The following BYSL variants were observed in gnomAD, a reference collection of about 807,000 sequenced individuals.
BYSL encodes the protein bystin.
BYSL carries 21 observed loss-of-function variants against 45.4 expected under a neutral mutation model. That is an observed-to-expected ratio of 0.46 (90% CI 0.33 to 0.67). The LOEUF (loss-of-function observed/expected upper bound fraction) is 0.67. Ranked by LOEUF, BYSL falls within the 30% of genes least tolerant of loss-of-function variation. The pLI, the probability that BYSL is intolerant of heterozygous loss-of-function variation, is 0.02. For missense variants in BYSL, 522 were observed against 578.5 expected (o/e 0.90, Z 1.00); for synonymous variants, 215 against 231.3 (o/e 0.93, Z 0.64).
chr6:41,909,764 C>T, the BYSL span, among the ~76,000 whole-genome samples: 4 of 152,202 alleles, frequency 2.6e-5, no homozygotes, highest in African/African-American at 9.6e-5. Context: ...GAGGGGCACA[C>T]AGGGAACTTT....
At chr6:41,925,991 T>C (rs571142680) in intron 1 of BYSL, among the ~76,000 whole-genome samples, 1 of 152,266 alleles carries the variant, frequency 6.6e-6, no homozygotes, top group East Asian at 1.9e-4. Context: ...GCCAACTTCA[T>C]GTATTTAAAT....
the BYSL span, among the ~76,000 whole-genome samples, chr6:41,913,699 A>C: frequency 6.6e-6 from 1 of 152,164 alleles, no homozygotes; most frequent in Non-Finnish European, 1.5e-5. Context: ...GGAGTTCAAG[A>C]CCAGCCTGGC....
Position 41,927,442 on chromosome 6 carries a change from A to G in BYSL, c.337A>G (p.Thr113Ala), listed in dbSNP as rs1307784344. ...EEWPTLEKAATMTAAGHHAEV... is the reference protein window; with the variant it reads ...EEWPTLEKAAAMTAAGHHAEV... ...GTGGCCCACCCTGGAGAAGGCTGCC[A>G]CAATGACAGCAGCGGGCCATCATGC... Residue 113 changes from threonine (T) to alanine (A), a missense_variant, in exon 2 of 7, where the codon ACA (threonine) becomes GCA (alanine). Thr to Ala is a moderately conservative substitution (Grantham distance 58). Transcript: ENST00000230340. The G allele has an allele frequency of 6.2e-7, 1 of 1,614,240 alleles. No homozygotes were observed. The highest frequency in any genetic ancestry group is 1.7e-5 in the Admixed American group (1 of 60,032).
chr6:41,909,568 A>T, the BYSL span: 5 of 1,601,178 alleles, frequency 3.1e-6, no homozygotes, highest in Non-Finnish European at 4.3e-6. Context: ...TTTCACTGGC[A>T]AACCCCAGAG....
chr6:41,929,470 C>G (rs1353235532), intron 2 of BYSL, among the ~76,000 whole-genome samples: 3 of 152,118 alleles, frequency 2.0e-5, no homozygotes, highest in Non-Finnish European at 4.4e-5. Context: ...TGCATGCCAA[C>G]CTGGGCAACA....
At chr6:41,928,222 G>C (rs879197543) in intron 2 of BYSL, among the ~76,000 whole-genome samples, 5 of 152,202 alleles carry the variant, frequency 3.3e-5, no homozygotes, top group Admixed American at 3.3e-4. Flanking sequence ...GCCCTTGGGA[G>C]TGGAGTCTAG....
chr6:41,926,175 T>C (rs1775561015), intron 1 of BYSL, among the ~76,000 whole-genome samples: 1 of 152,202 alleles, frequency 6.6e-6, no homozygotes, highest in South Asian at 2.1e-4. Flanking sequence ...AAACTGCCCA[T>C]CCAGCTCCTA....
the BYSL span, among the ~76,000 whole-genome samples, chr6:41,916,307 C>A: frequency 6.6e-6 from 1 of 151,054 alleles, no homozygotes; most frequent in Non-Finnish European, 1.5e-5. Context: ...TGGCCGGGCA[C>A]AGTGGCTCAC....
In BYSL at chr6:41,932,690, C is replaced by T. The variant is rs758201055; in HGVS notation, c.1298C>T (p.Pro433Leu). ...SAVPRDVEDV[P>L]ITVE ...GTCCCCCGCGATGTGGAAGATGTTC[C>T]CATCACCGTGGAGTGAGGAAAACAG... is the stretch of plus-strand genomic sequence containing the variant. The change falls in exon 7 of 7, where the codon CCC becomes CTC. Residue 433 changes from proline (P) to leucine (L), a missense_variant. By Grantham distance (98) the Pro-to-Leu change is moderately conservative. Transcript: ENST00000230340. This position sits in a 1 kb window ranked among gnomAD's most constrained non-coding sequence, Gnocchi z 4.7. 5.0e-6 allele frequency: 8 copies of T among 1,610,862 alleles called. No homozygotes were observed. The highest frequency in any genetic ancestry group is 1.6e-4 in the Middle Eastern group (1 of 6,072).
chr6:41,926,392 ATTC>A (rs1237870733), intron 1 of BYSL, among the ~76,000 whole-genome samples: 1 of 151,874 alleles, frequency 6.6e-6, no homozygotes, highest in Non-Finnish European at 1.5e-5. Flanking sequence ...TCTTGGGTTT[ATTC>A]TTATTTATTT....
At chr6:41,909,596 C>G in the BYSL span, 5 of 1,569,228 alleles carry the variant, frequency 3.2e-6, no homozygotes, top group Non-Finnish European at 2.6e-6. Flanking sequence ...AAATGACTCC[C>G]CCCGGAATGA....
At position 41,932,325 on chromosome 6, in the gene BYSL, C is replaced by G; in HGVS notation, c.969-36C>G. On this transcript the variant is annotated intron_variant, in intron 6 of 6. Coordinates refer to ENST00000230340, the MANE Select transcript of BYSL (RefSeq NM_004053.4). This position sits in a 1 kb window ranked among gnomAD's most constrained non-coding sequence, Gnocchi z 4.7. ...AGTAGGATCCTTCTTCCAATGTTTT[C>G]CCTGCTTACTCTACCCCACCTCCCT... The G allele has an allele frequency of 6.4e-7, 1 of 1,572,062 alleles. No homozygotes were observed. The highest frequency in any genetic ancestry group is 8.7e-7 in the Non-Finnish European group (1 of 1,155,456).
chr6:41,918,095 G>A (rs1775361834), upstream of BYSL, among the ~76,000 whole-genome samples: 2 of 152,164 alleles, frequency 1.3e-5, no homozygotes, highest in East Asian at 1.9e-4. Flanking sequence ...GGAGTGGTAG[G>A]TAACCAACTG....
At chr6:41,911,023 C>T in the BYSL span, among the ~76,000 whole-genome samples, 1 of 150,992 alleles carries the variant, frequency 6.6e-6, no homozygotes, top group Admixed American at 6.6e-5. Context: ...GCAGGAGAAG[C>T]GCTTGAACCC....
Position 41,932,803 on chromosome 6 carries a change from C to A in BYSL, c.*97C>A. 7.8e-7 allele frequency: 1 copy of A among 1,279,938 alleles called. No individual in the cohort carries two copies. Among genetic ancestry groups the A allele is most frequent in the Non-Finnish European group, 1.1e-6 (1 of 931,852 alleles). 79.3% of individuals were successfully genotyped at this position (1,279,938 alleles called of 1,614,324 possible). A position where few individuals can be genotyped will look rare whatever the true frequency, so the allele number is the denominator to read the frequency against. On this transcript the variant is annotated 3_prime_UTR_variant, in exon 7 of 7. Coordinates refer to ENST00000230340, the MANE Select transcript of BYSL (RefSeq NM_004053.4). This position sits in a 1 kb window ranked among gnomAD's most constrained non-coding sequence, Gnocchi z 4.7. ...ACACTGAGCTTTAATGGCTGAAGAC[C>A]CAGATCAGGGCAGTGACAGATCACA...
chr6:41,930,212 G>A lies in BYSL; in HGVS notation c.512G>A (p.Gly171Asp). 1 of 1,614,182 alleles carries A rather than the reference G, an allele frequency of 6.2e-7. No individual in the cohort carries two copies. Among genetic ancestry groups the A allele is most frequent in the Non-Finnish European group, 8.5e-7 (1 of 1,180,034 alleles). The part of the protein sequence containing the change: ...EVETVMSEVS[G>D]FPMPQLDPRV... ...GAGACAGTCATGTCAGAGGTGTCGG[G>A]CTTCCCTATGCCCCAGCTGGACCCC... Residue 171 changes from glycine (G) to aspartate (D), a missense_variant, in exon 3 of 7, where the codon GGC (glycine) becomes GAC (aspartate). Transcript: ENST00000230340.
At chr6:41,931,126 A>AGAGGAGT (rs746740391) in intron 4 of BYSL, among the ~76,000 whole-genome samples, 1 of 151,186 alleles carries the variant, frequency 6.6e-6, no homozygotes, top group Non-Finnish European at 1.5e-5. Flanking sequence ...GGGCTACTCA[A>AGAGGAGT]CTGATGCTGA....
the BYSL span, among the ~76,000 whole-genome samples, chr6:41,914,401 T>C: frequency 5.3e-5 from 8 of 152,060 alleles, no homozygotes; most frequent in Non-Finnish European, 1.0e-4. Flanking sequence ...ACAGGGAAAG[T>C]GCAGGAAATG....
the BYSL span, among the ~76,000 whole-genome samples, chr6:41,911,410 G>A: frequency 2.0e-5 from 3 of 151,946 alleles, no homozygotes; most frequent in Admixed American, 6.6e-5. Flanking sequence ...CTCAGCCTCC[G>A]AAAGGGCTGG....
Sources: allele counts gnomAD v4.1 joint callset (sites outside exome capture counted in the v4.1 genomes callset), GRCh38; gene constraint gnomAD v4.1.1; non-coding constraint Gnocchi (gnomAD v3.1); transcripts MANE v1.5; gene names NCBI Gene and HGNC (gene_info 2026-07-23, HGNC 2026-07-21).